Variants in SUGCT observed in about 807,000 individuals in gnomAD.
SUGCT encodes the protein succinyl-CoA:glutarate-CoA transferase.
A neutral mutation model predicts 55.0 loss-of-function variants in SUGCT; 41 were observed. The observed-to-expected ratio is 0.74, with a 90% CI of 0.58 to 0.97. SUGCT has a LOEUF of 0.97. Ranked by LOEUF, SUGCT falls within the 50% of genes least tolerant of loss-of-function variation. SUGCT has a pLI of 0.00. For synonymous variants in SUGCT, 187 were observed against 200.4 expected (o/e 0.93, Z 0.56); for missense variants, 568 against 547.8 (o/e 1.04, Z -0.37).
intron 8 of SUGCT, among the ~76,000 whole-genome samples, chr7:40,291,873 A>G (rs957037623): frequency 2.6e-5 from 4 of 152,142 alleles, no homozygotes; most frequent in Non-Finnish European, 4.4e-5. Context: ...CACATCTAAC[A>G]TATGCACTCA....
At chr7:40,206,264 A>C (rs932742595) in intron 6 of SUGCT, among the ~76,000 whole-genome samples, 1 of 152,238 alleles carries the variant, frequency 6.6e-6, no homozygotes, top group Non-Finnish European at 1.5e-5. Flanking sequence ...TATACTTAAA[A>C]GGATAAAAAC....
intron 12 of SUGCT, among the ~76,000 whole-genome samples, chr7:40,533,876 A>C (rs1218509321): frequency 6.6e-6 from 1 of 152,198 alleles, no homozygotes; most frequent in Admixed American, 6.5e-5. Flanking sequence ...AAAATATTGC[A>C]AAATGGACAG....
At chr7:40,439,218 A>G (rs968160236) in intron 9 of SUGCT, among the ~76,000 whole-genome samples, 1 of 149,240 alleles carries the variant, frequency 6.7e-6, no homozygotes, top group African/African-American at 2.5e-5. Context: ...TCACTCCTTT[A>G]ATCACTGATT....
intron 12 of SUGCT, among the ~76,000 whole-genome samples, chr7:40,730,099 ATTCAGAT>A (rs1786817321): frequency 6.6e-6 from 1 of 152,054 alleles, no homozygotes; most frequent in Admixed American, 6.6e-5. Context: ...AGGAGAGTCC[ATTCAGAT>A]AGTATTTTGT....
intron 11 of SUGCT, among the ~76,000 whole-genome samples, chr7:40,491,927 T>C (rs569845887): frequency 6.6e-6 from 1 of 152,108 alleles, no homozygotes; most frequent in African/African-American, 2.4e-5. Context: ...GAGGTCGAGG[T>C]TGCAGTGAGC....
At chr7:40,269,770 A>G (rs1791881325) in intron 7 of SUGCT, among the ~76,000 whole-genome samples, 1 of 152,166 alleles carries the variant, frequency 6.6e-6, no homozygotes, top group South Asian at 2.1e-4. Context: ...CTTTGGAGAA[A>G]TGTCTATTGA....
At chr7:40,604,761 A>G (rs976189681) in intron 12 of SUGCT, among the ~76,000 whole-genome samples, 2 of 152,178 alleles carry the variant, frequency 1.3e-5, no homozygotes, top group Non-Finnish European at 2.9e-5. Context: ...TTCCTTTTCC[A>G]AGAAATCATC....
At position 40,835,011 on chromosome 7, in the gene SUGCT, A is replaced by G. The variant is rs937641413; in HGVS notation, c.1154-25305A>G. ...TTTAGTGTTTTCATTCATTATATAGATTGGAGCTGTCCAATGCTTTATTGA... is the reference window on the plus strand; with the variant it reads ...TTTAGTGTTTTCATTCATTATATAGGTTGGAGCTGTCCAATGCTTTATTGA... On this transcript the variant is annotated intron_variant, in intron 13 of 13. Coordinates refer to ENST00000335693, the MANE Select transcript of SUGCT (RefSeq NM_001193313.2). Among the ~76,000 whole-genome samples the G allele has an allele frequency of 5.3e-5, 8 of 152,254 alleles. No individual in the cohort carries two copies. The Middle Eastern group carries it at 0.014, about 259-fold the overall frequency.
intron 13 of SUGCT, among the ~76,000 whole-genome samples, chr7:40,792,468 G>A (rs1482493252): frequency 6.6e-6 from 1 of 152,050 alleles, no homozygotes; most frequent in Non-Finnish European, 1.5e-5. Flanking sequence ...TATTTCAAGG[G>A]ATCTCCAATT....
At chr7:40,995,597 TC>T in the SUGCT span, among the ~76,000 whole-genome samples, 2 of 152,082 alleles carry the variant, frequency 1.3e-5, no homozygotes, top group Admixed American at 1.3e-4. Context: ...AGTTTTAGGT[TC>T]TTCAGCTTTT....
At chr7:40,199,892 A>G (rs1441392779) in intron 6 of SUGCT, among the ~76,000 whole-genome samples, 1 of 151,946 alleles carries the variant, frequency 6.6e-6, no homozygotes, top group African/African-American at 2.4e-5. Flanking sequence ...ATAGCATTAC[A>G]TAGAGTTAAA....
chr7:40,433,011 C>A (rs1186586683), intron 9 of SUGCT, among the ~76,000 whole-genome samples: 1 of 151,338 alleles, frequency 6.6e-6, no homozygotes, highest in East Asian at 1.9e-4. Flanking sequence ...TTTCTTTTTG[C>A]TTCCTTGATG....
intron 13 of SUGCT, among the ~76,000 whole-genome samples, chr7:40,785,829 A>G (rs1789981578): frequency 6.6e-6 from 1 of 152,178 alleles, no homozygotes. Context: ...AGCTCATGCC[A>G]GTAATCCCAG....
chr7:40,358,410 G>T (rs1365539073), intron 9 of SUGCT, among the ~76,000 whole-genome samples: 1 of 152,016 alleles, frequency 6.6e-6, no homozygotes, highest in Non-Finnish European at 1.5e-5. Context: ...TAACTAAATT[G>T]CTTTAAAAAG....
chr7:40,326,979 C>T (rs1232796728), intron 9 of SUGCT, among the ~76,000 whole-genome samples: 1 of 152,060 alleles, frequency 6.6e-6, no homozygotes, highest in African/African-American at 2.4e-5. Context: ...TAATGCTTAC[C>T]CATTAAAAAA....
At chr7:40,992,613 C>T in the SUGCT span, among the ~76,000 whole-genome samples, 7 of 152,056 alleles carry the variant, frequency 4.6e-5, no homozygotes, top group Non-Finnish European at 5.9e-5. Flanking sequence ...ACTGCTTCCC[C>T]ATATTCTGAA....
intron 12 of SUGCT, among the ~76,000 whole-genome samples, chr7:40,612,073 C>T (rs1177904543): frequency 4.0e-5 from 6 of 151,324 alleles, no homozygotes; most frequent in Admixed American, 3.3e-4. Context: ...AATAATGATC[C>T]TCATAATGTG....
the SUGCT span, among the ~76,000 whole-genome samples, chr7:40,890,270 TA>T: frequency 1.4e-5 from 2 of 143,776 alleles, no homozygotes; most frequent in African/African-American, 5.1e-5. Flanking sequence ...TATTATATAA[TA>T]TAAATTAAAT....
intron 13 of SUGCT, among the ~76,000 whole-genome samples, chr7:40,823,485 G>C (rs1041537398): frequency 6.6e-6 from 1 of 152,044 alleles, no homozygotes; most frequent in Non-Finnish European, 1.5e-5. Flanking sequence ...AATGAAGGTG[G>C]TAACTGTCGT....
Sources: gnomAD v4.1 joint callset for allele counts (sites outside exome capture counted in the v4.1 genomes callset) on GRCh38, gnomAD v4.1.1 for gene constraint, MANE v1.5 for transcripts, NCBI Gene and HGNC (gene_info 2026-07-23, HGNC 2026-07-21) for gene names.